TLE4: variants seen among roughly 807,000 people sequenced by gnomAD.
TLE4 encodes the protein transducin-like enhancer protein 4.
In TLE4, 8 loss-of-function variants were observed where a neutral mutation model predicts 92.8. That is an observed-to-expected ratio of 0.09 (90% CI 0.05 to 0.16). The LOEUF (loss-of-function observed/expected upper bound fraction) is 0.16, where lower values mean the gene tolerates loss of function less well. Among genes scored for constraint, TLE4 ranks in the 10% least tolerant of loss-of-function variants. TLE4 has a pLI of 1.00. For synonymous variants in TLE4, 371 were observed against 374.1 expected, an observed-to-expected ratio of 0.99 and a Z score of 0.10; for missense variants, 675 against 997.6, an observed-to-expected ratio of 0.68 and a Z score of 4.36.
intron 4 of TLE4, among the ~76,000 whole-genome samples, chr9:79,610,897 A>G (rs1443526924): frequency 6.6e-6 from 1 of 151,748 alleles, no homozygotes; most frequent in East Asian, 1.9e-4. Context: ...GTGCCCACAC[A>G]TTTTTCAGCC....
chr9:79,654,971 G>A (rs532142202), intron 8 of TLE4, among the ~76,000 whole-genome samples: 1 of 152,262 alleles, frequency 6.6e-6, no homozygotes, highest in East Asian at 1.9e-4. Flanking sequence ...GCGAAACCCC[G>A]TCTCTATTAA....
chr9:79,583,159 A>T (rs911976159), intron 4 of TLE4, among the ~76,000 whole-genome samples: 2 of 152,038 alleles, frequency 1.3e-5, no homozygotes, highest in Non-Finnish European at 2.9e-5. Context: ...CTCTCTTTTC[A>T]TTGGAACTTA....
At chr9:79,631,574 A>G (rs1269912416) in intron 6 of TLE4, among the ~76,000 whole-genome samples, 1 of 138,788 alleles carries the variant, frequency 7.2e-6, no homozygotes, top group African/African-American at 2.7e-5. Flanking sequence ...TCCCCCCCTT[A>G]GTATTTTGTT....
At chr9:79,692,850 G>A (rs918269672) in intron 8 of TLE4, among the ~76,000 whole-genome samples, 2 of 152,178 alleles carry the variant, frequency 1.3e-5, no homozygotes, top group African/African-American at 4.8e-5. Flanking sequence ...CATCACCTCA[G>A]GGGTTAGGTT....
intron 8 of TLE4, among the ~76,000 whole-genome samples, chr9:79,658,628 C>T (rs1245667627): frequency 6.6e-6 from 1 of 152,162 alleles, no homozygotes; most frequent in African/African-American, 2.4e-5. Context: ...ACTTTTGCCT[C>T]ATTAATTGGG....
rs191330306 is a variant in TLE4, at chr9:79,650,782, T to C, written c.391-1811T>C. 2.8e-3 allele frequency among the ~76,000 whole-genome samples: 430 copies of C among 152,188 alleles called. 2 individuals are homozygous for C. Among genetic ancestry groups the C allele is most frequent in the Middle Eastern group, 0.01 (3 of 292 alleles). On this transcript the variant is annotated intron_variant, in intron 6 of 19. Transcript: ENST00000376552. ...CATTTTCCATTTTCTGCTTGTAAAC[T>C]TGCTTTTCAAAGTGTTCATACTTTA...
chr9:79,654,997 C>T (rs1422062814), intron 8 of TLE4, among the ~76,000 whole-genome samples: 2 of 152,162 alleles, frequency 1.3e-5, no homozygotes, highest in Non-Finnish European at 2.9e-5. Context: ...CAAACATTAG[C>T]TGGGCATAGT....
chr9:79,582,639 C>CTTTTT (rs35195007), intron 4 of TLE4, among the ~76,000 whole-genome samples: 2 of 115,654 alleles, frequency 1.7e-5, no homozygotes, highest in Admixed American at 8.8e-5. Flanking sequence ...TTTAATGTGG[C>CTTTTT]TTTTTTTTTT....
chr9:79,676,441 A>G (rs12005090), intron 8 of TLE4, among the ~76,000 whole-genome samples: 25,943 of 151,692 alleles, frequency 0.17, 2,550 homozygotes, highest in African/African-American at 0.26. Context: ...ATTTGATATA[A>G]CACTGGAATC....
chr9:79,667,976 G>C (rs2061670704), intron 8 of TLE4, among the ~76,000 whole-genome samples: 1 of 152,246 alleles, frequency 6.6e-6, no homozygotes, highest in Non-Finnish European at 1.5e-5. Context: ...GCCCTATTTA[G>C]TAGTTTACGT....
At chr9:79,670,382 T>G (rs1240349225) in intron 8 of TLE4, among the ~76,000 whole-genome samples, 1 of 152,102 alleles carries the variant, frequency 6.6e-6, no homozygotes, top group East Asian at 1.9e-4. Flanking sequence ...AGAAATTTAC[T>G]TAGGCCACGT....
intron 6 of TLE4, among the ~76,000 whole-genome samples, chr9:79,650,219 G>A (rs2058740054): frequency 6.6e-6 from 1 of 150,886 alleles, no homozygotes; most frequent in Non-Finnish European, 1.5e-5. Flanking sequence ...CCAGGCTTGG[G>A]TTTTTTTTTG....
chr9:79,709,781 A>G (rs1375064632), intron 14 of TLE4, 82 bp downstream of exon 14: 2 of 1,203,346 alleles, frequency 1.7e-6, no homozygotes, highest in Admixed American at 3.7e-5. Context: ...ATACCACTAG[A>G]CAGTGTTGGG....
intron 4 of TLE4, among the ~76,000 whole-genome samples, chr9:79,582,916 A>T (rs1036323329): frequency 6.6e-6 from 1 of 152,154 alleles, no homozygotes; most frequent in Non-Finnish European, 1.5e-5. Context: ...TGGGCAATGG[A>T]GTATTTACAC....
chr9:79,714,323 G>A (rs2074028384), intron 14 of TLE4, among the ~76,000 whole-genome samples: 1 of 152,084 alleles, frequency 6.6e-6, no homozygotes, highest in Admixed American at 6.5e-5. Context: ...CCCTTTTATA[G>A]CATTACATTG....
At chr9:79,638,624 G>A (rs2056490150) in intron 6 of TLE4, among the ~76,000 whole-genome samples, 2 of 152,008 alleles carry the variant, frequency 1.3e-5, no homozygotes, top group Non-Finnish European at 2.9e-5. Context: ...ACCATCAAGG[G>A]CAGTGCCACT....
intron 4 of TLE4, among the ~76,000 whole-genome samples, chr9:79,581,611 A>T (rs1020804557): frequency 6.6e-6 from 1 of 152,232 alleles, no homozygotes; most frequent in Non-Finnish European, 1.5e-5. Context: ...AGTTCTCATA[A>T]TGATCCTAAG....
intron 5 of TLE4, among the ~76,000 whole-genome samples, chr9:79,614,983 A>T (rs2049183776): frequency 6.6e-6 from 1 of 152,122 alleles, no homozygotes; most frequent in Non-Finnish European, 1.5e-5. Context: ...TGCTTACTTT[A>T]GATTTAATTT....
At chr9:79,607,792 G>A (rs1226685846) in intron 4 of TLE4, among the ~76,000 whole-genome samples, 1 of 151,984 alleles carries the variant, frequency 6.6e-6, no homozygotes, top group African/African-American at 2.4e-5. Flanking sequence ...TGCTGTTTTG[G>A]TTACTGTAGC....
Sources: allele counts gnomAD v4.1 joint callset (sites outside exome capture counted in the v4.1 genomes callset), GRCh38; gene constraint gnomAD v4.1.1; transcripts MANE v1.5; gene names NCBI Gene and HGNC (gene_info 2026-07-23, HGNC 2026-07-21).